The following PTPRD variants were observed in gnomAD, a reference collection of about 807,000 sequenced individuals.
The protein encoded by PTPRD is receptor-type tyrosine-protein phosphatase delta.
A neutral mutation model predicts 214.5 loss-of-function variants in PTPRD; 34 were observed. That is an observed-to-expected ratio of 0.16 (90% CI 0.12 to 0.21). PTPRD has a LOEUF of 0.21. PTPRD is among the 10% of genes least tolerant of loss of function. The pLI is 1.00. For synonymous variants in PTPRD, 1,128 were observed against 845.7 expected (o/e 1.33, Z -5.79); for missense variants, 2,545 against 2,398.7 (o/e 1.06, Z -1.27).
intron 7 of PTPRD, among the ~76,000 whole-genome samples, chr9:9,664,346 G>A (rs1038616680): frequency 6.6e-6 from 1 of 151,524 alleles, no homozygotes; most frequent in Non-Finnish European, 1.5e-5. Context: ...GGGCAAAAAA[G>A]ATCAACTTCT....
At chr9:8,633,554 A>C in intron 13 of PTPRD, 96 bp from the exon 14 acceptor site, 2 of 1,369,886 alleles carry the variant, frequency 1.5e-6, no homozygotes, top group Non-Finnish European at 2.0e-6. Context: ...CATTAGGCTC[A>C]TAATAAACTA....
In PTPRD at chr9:9,595,406, A is replaced by G. The variant is rs1051474648; in HGVS notation, c.-286-20625T>C. 2.0e-5 allele frequency among the ~76,000 whole-genome samples: 3 copies of G among 146,636 alleles called. No individual in the cohort carries two copies. The East Asian group carries it at 5.9e-4, about 29-fold the overall frequency. ...TATATTCCACCATATACATATATACATATATATACAAATGTACACATATAC... is the reference window on the plus strand; with the variant it reads ...TATATTCCACCATATACATATATACGTATATATACAAATGTACACATATAC... On this transcript the variant is annotated intron_variant, in intron 7 of 45. Coordinates refer to ENST00000381196, the MANE Select transcript of PTPRD (RefSeq NM_002839.4).
chr9:10,359,374 C>A (rs2097335369), intron 2 of PTPRD, among the ~76,000 whole-genome samples: 1 of 151,970 alleles, frequency 6.6e-6, no homozygotes, highest in Non-Finnish European at 1.5e-5. Flanking sequence ...CAGTTTTACT[C>A]CCCAGTTGTA....
chr9:9,044,718 A>C (rs546128290), intron 10 of PTPRD, among the ~76,000 whole-genome samples: 41 of 152,298 alleles, frequency 2.7e-4, no homozygotes, highest in Non-Finnish European at 4.9e-4. Context: ...GCTTAAGGAG[A>C]ATATGCAGTA....
At chr9:8,352,578 A>G (rs2075815358) in intron 39 of PTPRD, among the ~76,000 whole-genome samples, 1 of 152,110 alleles carries the variant, frequency 6.6e-6, no homozygotes, top group Non-Finnish European at 1.5e-5. Flanking sequence ...AATCACATGG[A>G]CTACGTACAA....
At chr9:9,284,562 C>A (rs543255864) in intron 9 of PTPRD, among the ~76,000 whole-genome samples, 1 of 151,802 alleles carries the variant, frequency 6.6e-6, no homozygotes, top group Non-Finnish European at 1.5e-5. Flanking sequence ...CTTGGTCAAT[C>A]ATTTCTCCAC....
intron 12 of PTPRD, among the ~76,000 whole-genome samples, chr9:8,716,437 A>G (rs1026201760): frequency 1.3e-5 from 2 of 152,204 alleles, no homozygotes; most frequent in African/African-American, 2.4e-5. Context: ...AATCAGCCCA[A>G]ATGTTTGCTG....
intron 11 of PTPRD, among the ~76,000 whole-genome samples, chr9:8,942,177 C>G (rs1362225808): frequency 6.6e-6 from 1 of 152,196 alleles, no homozygotes; most frequent in South Asian, 2.1e-4. Flanking sequence ...CTGGTCGATA[C>G]TTTACCCATT....
chr9:9,895,835 G>GT (rs2074812501), intron 5 of PTPRD, among the ~76,000 whole-genome samples: 2 of 151,952 alleles, frequency 1.3e-5, no homozygotes, highest in South Asian at 2.1e-4. Context: ...TATACACTTG[G>GT]TTTTTTATAG....
intron 11 of PTPRD, among the ~76,000 whole-genome samples, chr9:8,804,681 A>G (rs1244789580): frequency 1.3e-5 from 2 of 151,794 alleles, no homozygotes; most frequent in Non-Finnish European, 2.9e-5. Context: ...TGTGGCATGA[A>G]CTTTTTCTTA....
intron 12 of PTPRD, among the ~76,000 whole-genome samples, chr9:8,690,293 C>T (rs961627313): frequency 4.0e-5 from 6 of 151,564 alleles, no homozygotes; most frequent in Non-Finnish European, 1.5e-5. Context: ...TTTGGGAGGT[C>T]GAGGCGGGCA....
chr9:10,376,118 C>A (rs1042334167), intron 2 of PTPRD, among the ~76,000 whole-genome samples: 1 of 151,914 alleles, frequency 6.6e-6, no homozygotes, highest in African/African-American at 2.4e-5. Context: ...ATGTGCTTCC[C>A]TGCATTTTTC....
At chr9:9,080,670 G>A (rs1471969929) in intron 10 of PTPRD, among the ~76,000 whole-genome samples, 2 of 152,056 alleles carry the variant, frequency 1.3e-5, no homozygotes, top group African/African-American at 4.8e-5. Flanking sequence ...CACTTAACCA[G>A]AAGTGGGATT....
intron 7 of PTPRD, among the ~76,000 whole-genome samples, chr9:9,726,255 T>G (rs2098088913): frequency 6.6e-6 from 1 of 152,174 alleles, no homozygotes; most frequent in African/African-American, 2.4e-5. Context: ...CGCATAACAC[T>G]GACATTGGCA....
intron 8 of PTPRD, among the ~76,000 whole-genome samples, chr9:9,468,751 A>C (rs1030837245): frequency 1.3e-5 from 2 of 152,126 alleles, no homozygotes; most frequent in African/African-American, 4.8e-5. Context: ...TATATTGAAA[A>C]ATGGTTTGGT....
At chr9:8,988,418 G>A (rs549070554) in intron 11 of PTPRD, among the ~76,000 whole-genome samples, 8 of 152,120 alleles carry the variant, frequency 5.3e-5, no homozygotes, top group East Asian at 1.9e-4. Flanking sequence ...AAGAAAAACC[G>A]TAAGAAATCC....
intron 33 of PTPRD, among the ~76,000 whole-genome samples, 159 bp from the exon 34 acceptor site, chr9:8,449,996 C>T (rs2095873244): frequency 6.6e-6 from 1 of 152,156 alleles, no homozygotes; most frequent in Non-Finnish European, 1.5e-5. Context: ...TGCTTTTCCC[C>T]CCTGGCCTAA....
chr9:9,150,462 A>T (rs1338380221), intron 10 of PTPRD, among the ~76,000 whole-genome samples: 1 of 130,604 alleles, frequency 7.7e-6, no homozygotes, highest in Non-Finnish European at 1.7e-5. Context: ...GTAACATATT[A>T]TATATATAAT....
chr9:10,311,341 G>A (rs2096262332), intron 3 of PTPRD, among the ~76,000 whole-genome samples: 1 of 151,898 alleles, frequency 6.6e-6, no homozygotes, highest in Non-Finnish European at 1.5e-5. Flanking sequence ...ATATGTACCA[G>A]AATGACTAAA....
Sources: gnomAD v4.1 joint callset for allele counts (sites outside exome capture counted in the v4.1 genomes callset) on GRCh38, gnomAD v4.1.1 for gene constraint, MANE v1.5 for transcripts, NCBI Gene and HGNC (gene_info 2026-07-23, HGNC 2026-07-21) for gene names.